Variants in TSHZ3 observed in about 807,000 individuals in gnomAD.
The protein encoded by TSHZ3 is teashirt homolog 3.
TSHZ3 carries 10 observed loss-of-function variants against 64.5 expected under a neutral mutation model. The observed-to-expected ratio is 0.16, with a 90% CI of 0.10 to 0.26. TSHZ3 has a LOEUF of 0.26. Ranked by LOEUF, TSHZ3 falls within the 10% of genes least tolerant of loss-of-function variation. The pLI is 1.00. For synonymous variants in TSHZ3, 608 were observed against 593.1 expected (o/e 1.03, Z -0.36); for missense variants, 1,242 against 1,421.7 (o/e 0.87, Z 2.03).
chr19:31,270,752 C>T (rs1976124120), downstream of TSHZ3, among the ~76,000 whole-genome samples: 1 of 152,134 alleles, frequency 6.6e-6, no homozygotes, highest in South Asian at 2.1e-4. Context: ...CCATATGTGG[C>T]TAGTGTCTAC....
intron 1 of TSHZ3, among the ~76,000 whole-genome samples, chr19:31,314,293 G>T (rs978202298): frequency 3.9e-5 from 6 of 152,336 alleles, no homozygotes; most frequent in Admixed American, 1.3e-4. Context: ...GCAGGCAAGG[G>T]TGTTTCCAGA....
chr19:31,217,227 C>G (rs1434327170), intron 4 of TSHZ3, among the ~76,000 whole-genome samples: 1 of 152,112 alleles, frequency 6.6e-6, no homozygotes, highest in East Asian at 1.9e-4. Flanking sequence ...AGAGGAACAA[C>G]AAGGACAAAT....
At position 31,208,191 on chromosome 19, in the gene TSHZ3, A is replaced by G. The variant is rs113237787; in HGVS notation, n.687-3113T>C. On this transcript the variant is annotated intron_variant and non_coding_transcript_variant, in intron 4 of 6. Transcript: ENST00000651361. ...TGCTAGTTAACGTGAGGAGGATATG[A>G]ATTGGTTTAGGATATCAAAGCAAAA... 7.0e-3 allele frequency among the ~76,000 whole-genome samples: 1,062 copies of G among 152,322 alleles called. 8 individuals carry two copies. The highest frequency in any genetic ancestry group is 0.023 in the African/African-American group (967 of 41,564).
intron 4 of TSHZ3, among the ~76,000 whole-genome samples, chr19:31,212,158 A>G (rs945377688): frequency 6.6e-6 from 1 of 152,034 alleles, no homozygotes; most frequent in South Asian, 2.1e-4. Context: ...GTTAAAAAGC[A>G]AAAAAAGCAA....
chr19:31,225,520 C>T (rs114115152), intron 4 of TSHZ3, among the ~76,000 whole-genome samples: 1,940 of 152,246 alleles, frequency 0.013, 44 homozygotes, highest in African/African-American at 0.045. Flanking sequence ...ACAGCCTTGT[C>T]CTGCACTTTA....
intron 6 of TSHZ3, among the ~76,000 whole-genome samples, chr19:31,154,739 T>A (rs1974282843): frequency 6.6e-6 from 1 of 152,212 alleles, no homozygotes; most frequent in African/African-American, 2.4e-5. Flanking sequence ...CCTCCCAGTG[T>A]GCAGGTGGGC....
At chr19:31,224,953 T>A (rs2145170764) in intron 4 of TSHZ3, among the ~76,000 whole-genome samples, 1 of 152,296 alleles carries the variant, frequency 6.6e-6, no homozygotes, top group East Asian at 1.9e-4. Context: ...ATGTACGGCC[T>A]AGAAGCCCCA....
Position 31,276,490 on chromosome 19 carries a change from G to A in TSHZ3, c.*57C>T. 1 of 1,474,592 alleles carries A rather than the reference G, an allele frequency of 6.8e-7. No homozygotes were observed. Among genetic ancestry groups the A allele is most frequent in the South Asian group, 1.4e-5 (1 of 72,928 alleles). 91.3% of individuals were successfully genotyped at this position (1,474,592 alleles called of 1,614,324 possible). A position where few individuals can be genotyped will look rare whatever the true frequency, so the allele number is the denominator to read the frequency against. The stretch of plus-strand genomic sequence containing the variant: ...ACAACAAGTCAGAGGGGGCCTGAAG[G>A]TGCCTTCCACAGTTTCCCTCAAAGC... On this transcript the variant is annotated 3_prime_UTR_variant, in exon 2 of 2. Transcript: ENST00000240587.
chr19:31,178,637 C>T (rs1974650265), intron 5 of TSHZ3, among the ~76,000 whole-genome samples: 1 of 152,186 alleles, frequency 6.6e-6, no homozygotes, highest in Non-Finnish European at 1.5e-5. Flanking sequence ...CAAGATCGCG[C>T]CATTGCACTC....
chr19:31,162,883 G>T (rs146707314), intron 5 of TSHZ3, among the ~76,000 whole-genome samples: 1 of 152,172 alleles, frequency 6.6e-6, no homozygotes, highest in South Asian at 2.1e-4. Flanking sequence ...GGAAGTAATG[G>T]AATAATTCCA....
intron 1 of TSHZ3, among the ~76,000 whole-genome samples, chr19:31,325,066 C>T (rs563241927): frequency 5.9e-5 from 9 of 152,232 alleles, no homozygotes; most frequent in South Asian, 2.1e-4. Context: ...AGAAGCTCCG[C>T]GCTGTAGCCA....
At chr19:31,189,268 G>C (rs923004063) in intron 5 of TSHZ3, among the ~76,000 whole-genome samples, 1 of 151,782 alleles carries the variant, frequency 6.6e-6, no homozygotes, top group Admixed American at 6.6e-5. Flanking sequence ...TCTGTTCACT[G>C]TTGCCCTTCT....
chr19:31,318,134 G>A (rs941036377), intron 1 of TSHZ3, among the ~76,000 whole-genome samples: 2 of 152,128 alleles, frequency 1.3e-5, no homozygotes, highest in African/African-American at 4.8e-5. Flanking sequence ...TCTGCAAAAT[G>A]TTCTTGCATA....
chr19:31,151,305 G>A (rs1281412931), exon 7 of TSHZ3, among the ~76,000 whole-genome samples: 1 of 152,014 alleles, frequency 6.6e-6, no homozygotes, highest in East Asian at 1.9e-4. Context: ...GAAGAATGCT[G>A]TACATTCTTT....
At chr19:31,154,561 T>A (rs1974279808) in intron 6 of TSHZ3, among the ~76,000 whole-genome samples, 1 of 152,156 alleles carries the variant, frequency 6.6e-6, no homozygotes, top group African/African-American at 2.4e-5. Flanking sequence ...GGGCTGGGGA[T>A]AATGGAGTTT....
chr19:31,291,913 G>A (rs2145130622), intron 1 of TSHZ3, among the ~76,000 whole-genome samples: 1 of 152,310 alleles, frequency 6.6e-6, no homozygotes, highest in Non-Finnish European at 1.5e-5. Flanking sequence ...AGTTTGTCCT[G>A]GTAGCCAGCG....
At chr19:31,177,764 C>T (rs553061800) in intron 5 of TSHZ3, among the ~76,000 whole-genome samples, 20 of 152,186 alleles carry the variant, frequency 1.3e-4, no homozygotes, top group Non-Finnish European at 2.1e-4. Flanking sequence ...AATAACTTGA[C>T]ATCTCAGGGC....
intron 1 of TSHZ3, among the ~76,000 whole-genome samples, chr19:31,316,583 G>A (rs1261233189): frequency 6.6e-6 from 1 of 152,216 alleles, no homozygotes; most frequent in African/African-American, 2.4e-5. Context: ...TGGGGAAATA[G>A]TGCTATTTGC....
At position 31,220,608 on chromosome 19, in the gene TSHZ3, A is replaced by G. The variant is rs574252969; in HGVS notation, n.686+7397T>C. Among the ~76,000 whole-genome samples, 26 of 152,324 alleles carry G rather than the reference A, an allele frequency of 1.7e-4. No individual in the cohort carries two copies. The South Asian group carries it at 5.2e-3, about 30-fold the overall frequency. On this transcript the variant is annotated intron_variant and non_coding_transcript_variant, in intron 4 of 6. Transcript: ENST00000651361. ...AATTAATTCAAATTTAAATAGCAAC[A>G]TATGATTAGTGGCTATTAGTAGCTA...
Sources: allele counts gnomAD v4.1 joint callset (sites outside exome capture counted in the v4.1 genomes callset), GRCh38; gene constraint gnomAD v4.1.1; transcripts MANE v1.5; gene names NCBI Gene and HGNC (gene_info 2026-07-23, HGNC 2026-07-21).